Variants in SCGN observed in about 807,000 individuals in gnomAD.
The protein encoded by SCGN is secretagogin.
SCGN carries 30 observed loss-of-function variants against 39.7 expected under a neutral mutation model. The observed-to-expected ratio is 0.76, with a 90% CI of 0.57 to 1.03. SCGN has a LOEUF of 1.03. SCGN is among the 50% of genes least tolerant of loss of function. The probability of loss-of-function intolerance (pLI) is 0.00; values close to 1 mark genes in which losing one functional copy is unlikely to be tolerated. For missense variants in SCGN, 353 were observed against 349.4 expected (o/e 1.01, Z -0.08); for synonymous variants, 106 against 114.1 (o/e 0.93, Z 0.45).
intron 8 of SCGN, 42 bp downstream of exon 8, chr6:25,689,259 G>T (rs2294346): frequency 2.1e-6 from 3 of 1,412,162 alleles, no homozygotes; most frequent in East Asian, 4.6e-5. Context: ...TGTCATTGCT[G>T]TTTCTCTACG....
chr6:25,692,542 G>A (rs936286824), intron 10 of SCGN, among the ~76,000 whole-genome samples: 2 of 152,190 alleles, frequency 1.3e-5, no homozygotes, highest in African/African-American at 4.8e-5. Flanking sequence ...GAGTCACAGT[G>A]AGCAGTCAGT....
intron 4 of SCGN, among the ~76,000 whole-genome samples, chr6:25,668,478 C>T (rs1194344078): frequency 6.6e-6 from 1 of 152,200 alleles, no homozygotes; most frequent in Non-Finnish European, 1.5e-5. Flanking sequence ...ATTTTATCCC[C>T]TCCATCAGAG....
intron 7 of SCGN, among the ~76,000 whole-genome samples, chr6:25,688,921 C>A (rs1331849867): frequency 2.6e-5 from 4 of 151,886 alleles, no homozygotes. Flanking sequence ...TATGGAGGAG[C>A]GAATTTCCAG....
chr6:25,672,528 G>T (rs1043887749), intron 6 of SCGN, among the ~76,000 whole-genome samples: 1 of 152,132 alleles, frequency 6.6e-6, no homozygotes, highest in South Asian at 2.1e-4. Context: ...GGGACTGAGG[G>T]TACAGGAGGC....
chr6:25,657,045 C>G (rs1293610197), intron 2 of SCGN, among the ~76,000 whole-genome samples: 2 of 152,136 alleles, frequency 1.3e-5, no homozygotes, highest in Non-Finnish European at 2.9e-5. Flanking sequence ...TGAGTGATTT[C>G]CATTGTGCTT....
Position 25,696,820 on chromosome 6 carries a change from T to C in SCGN, c.703-4387T>C, listed in dbSNP as rs1457149935. Among the ~76,000 whole-genome samples the C allele has an allele frequency of 2.0e-5, 3 of 152,236 alleles. No individual in the cohort carries two copies. The East Asian group carries it at 5.8e-4, about 29-fold the overall frequency. On this transcript the variant is annotated intron_variant, in intron 10 of 10. Transcript: ENST00000377961. ...TCACGGAAGATAGCATTCTGGTATA[T>C]ATACTATATGTTTTCGCATTATTAT...
At chr6:25,667,078 A>G (rs898112919) in intron 4 of SCGN, among the ~76,000 whole-genome samples, 1 of 152,112 alleles carries the variant, frequency 6.6e-6, no homozygotes, top group Non-Finnish European at 1.5e-5. Flanking sequence ...TAATTATCTC[A>G]GGATAGGAGT....
At position 25,691,046 on chromosome 6, in the gene SCGN, T is replaced by C. The variant is rs1759767894; in HGVS notation, c.634-10T>C. ...CTGATATTTGGGCAATTGGATCTTT[T>C]CTTTTTCAGAGTAAAACAGGAGCCC... On this transcript the variant is annotated splice_polypyrimidine_tract_variant and intron_variant, in intron 9 of 10. Coordinates refer to ENST00000377961, the MANE Select transcript of SCGN (RefSeq NM_006998.4). The C allele has an allele frequency of 6.2e-7, 1 of 1,611,040 alleles. No homozygotes were observed. The highest frequency in any genetic ancestry group is 8.5e-7 in the Non-Finnish European group (1 of 1,178,370).
In SCGN at chr6:25,652,374, C is replaced by T. The variant is rs1760149138; in HGVS notation, c.-30C>T. On this transcript the variant is annotated 5_prime_UTR_variant, in exon 1 of 11. Coordinates refer to ENST00000377961, the MANE Select transcript of SCGN (RefSeq NM_006998.4). ...TCCCAAAGTTGTCTAGGTCCTTCCGCGCCGGTGCCTGGTCTTCGTCGTCAA... is the reference window on the plus strand; with the variant it reads ...TCCCAAAGTTGTCTAGGTCCTTCCGTGCCGGTGCCTGGTCTTCGTCGTCAA... 5 of 1,604,166 alleles carry T rather than the reference C, an allele frequency of 3.1e-6. No homozygotes were observed. The East Asian group carries it at 6.7e-5, about 21-fold the overall frequency.
Position 25,701,564 on chromosome 6 carries a change from C to G in SCGN, c.*229C>G. The G allele has an allele frequency of 5.0e-6, 2 of 398,814 alleles. No individual in the cohort carries two copies. The highest frequency in any genetic ancestry group is 8.7e-6 in the Non-Finnish European group (2 of 228,864). The allele number at this position is 398,814 out of a possible 1,614,324, so 24.7% of individuals were successfully genotyped here. ...TGTTTTCCCTTGACCCTGGGCTTTCCTATCCTCCCAAAGACTCAGCTCCCC... is the reference window on the plus strand; with the variant it reads ...TGTTTTCCCTTGACCCTGGGCTTTCGTATCCTCCCAAAGACTCAGCTCCCC... On this transcript the variant is annotated 3_prime_UTR_variant, in exon 11 of 11. Transcript: ENST00000377961.
Position 25,657,423 on chromosome 6 carries a change from T to G in SCGN, c.153+3971T>G, listed in dbSNP as rs1396773982. Among the ~76,000 whole-genome samples, 3 of 152,300 alleles carry G rather than the reference T, an allele frequency of 2.0e-5. No individual in the cohort carries two copies. The East Asian group carries it at 5.8e-4, about 29-fold the overall frequency. On this transcript the variant is annotated intron_variant, in intron 2 of 10. Transcript: ENST00000377961. ...AAATAATAATTATTAGAATAATGTT[T>G]TGGCCTGCCTGTTTCACAGTGAAGA... is the stretch of plus-strand genomic sequence containing the variant.
rs758584869 is a variant in SCGN, at chr6:25,664,924, A to T, written c.247-19A>T. 6.2e-7 allele frequency: 1 copy of T among 1,600,056 alleles called. No individual in the cohort carries two copies. Among genetic ancestry groups the T allele is most frequent in the Non-Finnish European group, 8.6e-7 (1 of 1,167,946 alleles). ...ACACTGGCCAGTGTCCCTGACTGTT[A>T]TTCTTTCTGTTCCTTCAGCTTGCTG... is the stretch of plus-strand genomic sequence containing the variant. On this transcript the variant is annotated intron_variant, in intron 3 of 10. Transcript: ENST00000377961.
intron 6 of SCGN, among the ~76,000 whole-genome samples, chr6:25,672,998 C>T (rs889474037): frequency 4.6e-5 from 7 of 152,292 alleles, no homozygotes; most frequent in South Asian, 2.1e-4. Context: ...GTGAGGAGAG[C>T]GTCTCACCTT....
intron 3 of SCGN, 101 bp from the exon 4 acceptor site, chr6:25,664,842 C>T: frequency 1.3e-6 from 1 of 780,318 alleles, no homozygotes; most frequent in Non-Finnish European, 2.1e-6. Flanking sequence ...GATCTGAGCC[C>T]TTCTGCCCTG....
At chr6:25,692,143 A>G (rs1044658588) in intron 10 of SCGN, among the ~76,000 whole-genome samples, 4 of 152,158 alleles carry the variant, frequency 2.6e-5, no homozygotes, top group African/African-American at 7.2e-5. Flanking sequence ...GGGCATTTGC[A>G]CAGCCAGAAT....
chr6:25,661,619 A>G lies in SCGN; in HGVS notation c.221A>G (p.Lys74Arg). ...TTTATGACTACCCAAGATGCCTCTAAAGATGGTCGCATTCGGATGAAAGAG... is the reference window on the plus strand; with the variant it reads ...TTTATGACTACCCAAGATGCCTCTAGAGATGGTCGCATTCGGATGAAAGAG... Reference protein sequence around the residue: ...QQFMTTQDASKDGRIRMKELA... With the variant: ...QQFMTTQDASRDGRIRMKELA... Residue 74 changes from lysine (K) to arginine (R), a missense_variant, in exon 3 of 11, where the codon AAA becomes AGA. Coordinates refer to ENST00000377961, the MANE Select transcript of SCGN (RefSeq NM_006998.4). The G allele has an allele frequency of 6.2e-7, 1 of 1,613,436 alleles. No homozygotes were observed. Among genetic ancestry groups the G allele is most frequent in the Non-Finnish European group, 8.5e-7 (1 of 1,179,446 alleles).
At chr6:25,680,463 T>A (rs925498711) in intron 6 of SCGN, among the ~76,000 whole-genome samples, 1 of 152,214 alleles carries the variant, frequency 6.6e-6, no homozygotes, top group African/African-American at 2.4e-5. Context: ...AATTTTCTGA[T>A]AGGTAGAAGC....
At chr6:25,653,193 T>C (rs1186041954) in intron 1 of SCGN, among the ~76,000 whole-genome samples, 189 bp from the exon 2 acceptor site, 10 of 152,208 alleles carry the variant, frequency 6.6e-5, no homozygotes, top group Non-Finnish European at 1.2e-4. Context: ...AAAGCACGTA[T>C]TCTGGAACAG....
intron 2 of SCGN, among the ~76,000 whole-genome samples, chr6:25,660,852 A>T (rs1374323344): frequency 6.6e-5 from 10 of 152,220 alleles, no homozygotes. Context: ...CATAAATTTC[A>T]GCAAGTCTAG....
Sources: allele counts gnomAD v4.1 joint callset (sites outside exome capture counted in the v4.1 genomes callset), GRCh38; gene constraint gnomAD v4.1.1; transcripts MANE v1.5; gene names NCBI Gene and HGNC (gene_info 2026-07-23, HGNC 2026-07-21).